The following PTCH1 variants were observed in gnomAD, a reference collection of about 807,000 sequenced individuals.
PTCH1 encodes the protein protein patched homolog 1.
Under a neutral mutation model 144.6 loss-of-function variants are expected in PTCH1, and 14 were observed. The observed-to-expected ratio is 0.10, with a 90% confidence interval of 0.06 to 0.15. PTCH1 has a LOEUF of 0.15. Ranked by LOEUF, PTCH1 falls within the 10% of genes least tolerant of loss-of-function variation. The pLI is 1.00. For missense variants in PTCH1, 1,623 were observed against 1,948.3 expected (o/e 0.83, Z 3.14); for synonymous variants, 833 against 793.6 (o/e 1.05, Z -0.83).
chr9:95,477,773 C>G, intron 9 of PTCH1, 71 bp from the exon 10 acceptor site: 1 of 1,578,150 alleles, frequency 6.3e-7, no homozygotes. Flanking sequence ...TAATGTTTCC[C>G]TCCACCCATC....
chr9:95,474,877 T>G (rs554217196), intron 12 of PTCH1, among the ~76,000 whole-genome samples: 3 of 152,122 alleles, frequency 2.0e-5, no homozygotes, highest in Admixed American at 6.5e-5. Flanking sequence ...GCTGTGTGAG[T>G]GTGCCGGGCA....
intron 8 of PTCH1, among the ~76,000 whole-genome samples, 182 bp downstream of exon 8, chr9:95,478,818 T>G (rs1458190109): frequency 1.3e-5 from 2 of 152,194 alleles, no homozygotes; most frequent in East Asian, 3.8e-4. Context: ...AGAACTAGTC[T>G]TTTAGATATT....
At chr9:95,498,174 A>C (rs916066136) in intron 2 of PTCH1, among the ~76,000 whole-genome samples, 1 of 152,174 alleles carries the variant, frequency 6.6e-6, no homozygotes, top group Non-Finnish European at 1.5e-5. Context: ...TTGGTTGCTA[A>C]ATTGGGTAAG....
upstream of PTCH1, among the ~76,000 whole-genome samples, chr9:95,509,430 G>A (rs544219818): frequency 6.6e-6 from 1 of 152,322 alleles, no homozygotes; most frequent in South Asian, 2.1e-4. Context: ...AAAGTAGAGA[G>A]ACCACCCAGG....
rs759573123 is a variant in PTCH1 at position 95,497,519 on chromosome 9, G to A, written c.394+8888C>T. ...CCAGGCTTGGAAGGTGCACCCACCCGGGAGGGCTTCCTCTCACGGAGGAGG... is the reference window on the plus strand; with the variant it reads ...CCAGGCTTGGAAGGTGCACCCACCCAGGAGGGCTTCCTCTCACGGAGGAGG... On this transcript the variant is annotated intron_variant, in intron 2 of 23. Transcript: ENST00000331920. Among the ~76,000 whole-genome samples the A allele has an allele frequency of 7.9e-5, 12 of 152,298 alleles. No homozygotes were observed. In the South Asian group the frequency reaches 1.7e-3, roughly 21 times the overall value.
At chr9:95,448,919 T>G (rs1180868925) in intron 22 of PTCH1, 150 bp downstream of exon 22, 2 of 1,117,208 alleles carry the variant, frequency 1.8e-6, no homozygotes, top group Non-Finnish European at 2.5e-6. Context: ...ATACTGGTTA[T>G]TTCCTATGAT....
intron 2 of PTCH1, among the ~76,000 whole-genome samples, chr9:95,493,959 T>C (rs1216105415): frequency 6.6e-6 from 1 of 152,074 alleles, no homozygotes; most frequent in East Asian, 1.9e-4. Flanking sequence ...CCCCTGCGTG[T>C]TGCCATGGGA....
At chr9:95,499,159 A>G (rs1842980587) in intron 2 of PTCH1, among the ~76,000 whole-genome samples, 1 of 152,122 alleles carries the variant, frequency 6.6e-6, no homozygotes, top group Non-Finnish European at 1.5e-5. Context: ...GTATGGGTTG[A>G]AGAAACTTGT....
intron 16 of PTCH1, among the ~76,000 whole-genome samples, chr9:95,460,329 C>T (rs1283355464): frequency 1.3e-5 from 2 of 152,190 alleles, no homozygotes; most frequent in African/African-American, 2.4e-5. Flanking sequence ...CCTCAAGCCT[C>T]GCCAGGTGAT....
At chr9:95,514,969 T>G (rs1844300959) in intron 1 of PTCH1, among the ~76,000 whole-genome samples, 1 of 152,208 alleles carries the variant, frequency 6.6e-6, no homozygotes, top group South Asian at 2.1e-4. Context: ...CAAAGGCATT[T>G]TATAGCCTTG....
intron 17 of PTCH1, among the ~76,000 whole-genome samples, chr9:95,459,264 C>T (rs918357905): frequency 2.0e-4 from 30 of 152,142 alleles, no homozygotes; most frequent in Admixed American, 5.9e-4. Context: ...TAATCCCCAG[C>T]GATAAAACTC....
intron 15 of PTCH1, among the ~76,000 whole-genome samples, chr9:95,462,874 C>A (rs1320726789): frequency 1.3e-5 from 2 of 152,232 alleles, no homozygotes. Flanking sequence ...CATTACAGAC[C>A]TGACGGTTTG....
intron 15 of PTCH1, among the ~76,000 whole-genome samples, chr9:95,466,109 A>T (rs1052728749): frequency 1.3e-5 from 2 of 152,158 alleles, no homozygotes; most frequent in African/African-American, 4.8e-5. Context: ...ATGCAATGGC[A>T]CAATCTAGGC....
At chr9:95,448,150 A>G (rs1330841475) in intron 22 of PTCH1, among the ~76,000 whole-genome samples, 1 of 152,216 alleles carries the variant, frequency 6.6e-6, no homozygotes, top group Non-Finnish European at 1.5e-5. Context: ...ACCGTGACCA[A>G]CTTCAAAGTC....
chr9:95,475,328 C>T (rs1467496402), intron 12 of PTCH1, among the ~76,000 whole-genome samples: 4 of 152,034 alleles, frequency 2.6e-5, no homozygotes, highest in East Asian at 1.9e-4. Context: ...GGACAAGTCA[C>T]GAGGGGCCCA....
At position 95,468,777 on chromosome 9, in the gene PTCH1, G is replaced by C. The variant is rs1588573727; in HGVS notation, c.2224C>G (p.Pro742Ala). The C allele has an allele frequency of 6.2e-7, 1 of 1,614,172 alleles. No homozygotes were observed. Among genetic ancestry groups the C allele is most frequent in the Non-Finnish European group, 8.5e-7 (1 of 1,180,038 alleles). ...TTGGCTTTTGGTTTCAAGAGGAAAG[G>C]AGCATAGTGCTTCTCAGCAAAAGAT... is the stretch of plus-strand genomic sequence containing the variant. Reference protein sequence around the residue: ...LSSFAEKHYAPFLLKPKAKVV... With the variant: ...LSSFAEKHYAAFLLKPKAKVV... Residue 742 changes from proline (P) to alanine (A), a missense_variant, in exon 14 of 24, where the codon CCT becomes GCT. By Grantham distance (27) the Pro-to-Ala change is conservative (BLOSUM62 -1). Coordinates refer to ENST00000331920, the MANE Select transcript of PTCH1 (RefSeq NM_000264.5).
At chr9:95,478,028 C>T (rs1318790307) in intron 9 of PTCH1, 27 bp downstream of exon 9, 2 of 1,614,112 alleles carry the variant, frequency 1.2e-6, no homozygotes, top group Non-Finnish European at 1.7e-6. Flanking sequence ...AAACTCCAGC[C>T]CCCAGGAGCA....
intron 2 of PTCH1, among the ~76,000 whole-genome samples, chr9:95,499,155 G>C (rs1842980418): frequency 6.6e-6 from 1 of 151,994 alleles, no homozygotes; most frequent in South Asian, 2.1e-4. Flanking sequence ...TGTGGTATGG[G>C]TTGAAGAAAC....
At position 95,456,287 on chromosome 9, in the gene PTCH1, G is replaced by C. The variant is rs1426410745; in HGVS notation, c.3295C>G (p.His1099Asp). ...AATGTCTCCCATACCAAAGCAACGTGAACGGTGAACTCCACTCCTATGCCA... is the reference window on the plus strand; with the variant it reads ...AATGTCTCCCATACCAAAGCAACGTCAACGGTGAACTCCACTCCTATGCCA... Reference protein sequence around the residue: ...SVGIGVEFTVHVALAFLTAIG... With the variant: ...SVGIGVEFTVDVALAFLTAIG... Residue 1099 changes from histidine to aspartate, a missense_variant, in exon 19 of 24, where the codon CAC (histidine) becomes GAC (aspartate). Physicochemically the swap from His to Asp is moderately conservative, Grantham distance 81 (BLOSUM62 -1). Coordinates refer to ENST00000331920, the MANE Select transcript of PTCH1 (RefSeq NM_000264.5). 4 of 1,613,782 alleles carry C rather than the reference G, an allele frequency of 2.5e-6. No homozygotes were observed. Among genetic ancestry groups the C allele is most frequent in the Non-Finnish European group, 3.4e-6 (4 of 1,180,054 alleles).
Sources: gnomAD v4.1 joint callset for allele counts (sites outside exome capture counted in the v4.1 genomes callset) on GRCh38, gnomAD v4.1.1 for gene constraint, MANE v1.5 for transcripts, NCBI Gene and HGNC (gene_info 2026-07-23, HGNC 2026-07-21) for gene names.